The following NHSL2 variants were observed in gnomAD, a reference collection of about 807,000 sequenced individuals.
NHSL2 encodes NHS like 2.
In NHSL2, 27 loss-of-function variants were observed where a neutral mutation model predicts 53.4. That is an observed-to-expected ratio of 0.51 (90% CI 0.37 to 0.70). The LOEUF is 0.70. Among genes scored for constraint, NHSL2 ranks in the 30% least tolerant of loss-of-function variants. The pLI, the probability that NHSL2 is intolerant of heterozygous loss-of-function variation, is 0.00. For missense variants in NHSL2, 892 were observed against 980.1 expected (o/e 0.91, Z 1.20); for synonymous variants, 408 against 404.1 (o/e 1.01, Z -0.12).
Position 71,992,285 on chromosome X carries a change from G to A in NHSL2, c.280+80918G>A, listed in dbSNP as rs5991865. On this transcript the variant is annotated intron_variant, in intron 1 of 7. Transcript: ENST00000633930. ...TGTCCCCAAAATCAGTGTGGAGGGC[G>A]TAGAGGGGCTATTCAGTTAGGGACA... Among the ~76,000 whole-genome samples, 314 of 112,340 alleles carry A rather than the reference G, an allele frequency of 2.8e-3. 1 individual carries two copies. Among genetic ancestry groups the A allele is most frequent in the African/African-American group, 9.6e-3 (296 of 30,940 alleles).
At chrX:72,093,133 A>G (rs2041911762) in intron 1 of NHSL2, among the ~76,000 whole-genome samples, 1 of 112,887 alleles carries the variant, frequency 8.9e-6, no homozygotes, top group Non-Finnish European at 1.9e-5. Context: ...AAGTCAACAC[A>G]CAGCCAGGTA....
At chrX:71,982,496 A>G (rs1939592387) in intron 1 of NHSL2, among the ~76,000 whole-genome samples, 1 of 112,077 alleles carries the variant, frequency 8.9e-6, no homozygotes. Context: ...GGGTAGCCCA[A>G]GAATAGGGAC....
At chrX:72,099,750 C>T (rs1393881972) in intron 1 of NHSL2, among the ~76,000 whole-genome samples, 1 of 112,173 alleles carries the variant, frequency 8.9e-6, no homozygotes, top group East Asian at 2.8e-4. Flanking sequence ...ATTTAATTTA[C>T]TCCAATATAT....
chrX:72,074,133 C>T (rs946216319), intron 1 of NHSL2, among the ~76,000 whole-genome samples: 1 of 110,124 alleles, frequency 9.1e-6, no homozygotes, highest in East Asian at 2.9e-4. Context: ...CATCCCTCTC[C>T]CCGCAAGCAA....
intron 1 of NHSL2, among the ~76,000 whole-genome samples, chrX:72,009,117 A>G (rs921160091): frequency 1.1e-4 from 12 of 112,108 alleles, no homozygotes; most frequent in African/African-American, 3.9e-4. Context: ...GGTACATTGT[A>G]TTTGCTTTTC....
chrX:72,130,713 G>C (rs1435038558), intron 1 of NHSL2: 1 of 1,211,948 alleles, frequency 8.3e-7, no homozygotes, highest in Admixed American at 2.2e-5. Flanking sequence ...GGCCTTTGAG[G>C]AATTGGTTTT....
intron 1 of NHSL2, among the ~76,000 whole-genome samples, chrX:71,961,898 G>A (rs1602280857): frequency 8.9e-6 from 1 of 112,058 alleles, no homozygotes. Flanking sequence ...CGAACTCCTG[G>A]CCTTAAGTGA....
chrX:72,094,923 A>G (rs965681737), intron 1 of NHSL2, among the ~76,000 whole-genome samples: 1 of 112,191 alleles, frequency 8.9e-6, no homozygotes, highest in Admixed American at 9.5e-5. Context: ...GGTGCAGTAA[A>G]GCAAGAGCAT....
Position 72,140,365 on chromosome X carries a change from G to A in NHSL2, c.2817G>A (p.Gly939=). 8.3e-7 allele frequency: 1 copy of A among 1,211,120 alleles called. No individual in the cohort carries two copies. Among genetic ancestry groups the A allele is most frequent in the Non-Finnish European group, 1.1e-6 (1 of 895,162 alleles). Residue 939 remains glycine, a synonymous_variant, in exon 6 of 8, where the codon GGG becomes GGA. Coordinates refer to ENST00000633930, the MANE Select transcript of NHSL2 (RefSeq NM_001013627.3). The part of the protein sequence containing the change: ...PSSFPDGRSP[G]ESTAPSSLVF... Reference sequence around the variant, plus strand: ...GCTTCCCAGATGGCAGAAGCCCAGGGGAGTCAACAGCACCCTCATCTCTTG... The same window carrying A: ...GCTTCCCAGATGGCAGAAGCCCAGGAGAGTCAACAGCACCCTCATCTCTTG...
At chrX:71,957,721 G>A (rs778798488) in intron 1 of NHSL2, among the ~76,000 whole-genome samples, 21 of 110,751 alleles carry the variant, frequency 1.9e-4, no homozygotes, top group African/African-American at 6.9e-4. Context: ...CAGACCCAGG[G>A]TGTTTACTCC....
chrX:71,977,640 C>T (rs903719954), intron 1 of NHSL2, among the ~76,000 whole-genome samples: 8 of 110,906 alleles, frequency 7.2e-5, no homozygotes, highest in African/African-American at 2.6e-4. Context: ...CTCAAATTCC[C>T]GAGCTCAAGC....
At chrX:72,135,276 C>T (rs1349154876) in intron 4 of NHSL2, among the ~76,000 whole-genome samples, 3 of 111,651 alleles carry the variant, frequency 2.7e-5, no homozygotes, top group Non-Finnish European at 5.6e-5. Context: ...CCAAAAAGAC[C>T]AAAAGGGGAC....
At chrX:72,081,652 G>A (rs1011543823) in intron 1 of NHSL2, among the ~76,000 whole-genome samples, 12 of 111,849 alleles carry the variant, frequency 1.1e-4, no homozygotes, top group African/African-American at 2.3e-4. Context: ...AAAAACAGAC[G>A]CAGCTGCTCA....
intron 6 of NHSL2, among the ~76,000 whole-genome samples, chrX:72,141,872 T>A (rs1711877177): frequency 8.9e-6 from 1 of 111,859 alleles, no homozygotes; most frequent in African/African-American, 3.3e-5. Flanking sequence ...CCCTCTGAGA[T>A]TCAAATAGGT....
intron 1 of NHSL2, among the ~76,000 whole-genome samples, chrX:72,037,712 C>G (rs1184422955): frequency 8.9e-6 from 1 of 112,000 alleles, no homozygotes; most frequent in Non-Finnish European, 1.9e-5. Flanking sequence ...TCTACCAGTG[C>G]CCCCAGTGTT....
intron 1 of NHSL2, among the ~76,000 whole-genome samples, chrX:72,002,917 A>G (rs1275107485): frequency 9.0e-6 from 1 of 110,982 alleles, no homozygotes; most frequent in African/African-American, 3.3e-5. Context: ...AAATACACAT[A>G]AATAGACCCT....
intron 1 of NHSL2, among the ~76,000 whole-genome samples, chrX:71,924,398 G>C (rs2041674344): frequency 8.9e-6 from 1 of 111,827 alleles, no homozygotes; most frequent in African/African-American, 3.3e-5. Context: ...CCTCCAGGTA[G>C]CCTACCCTAT....
chrX:72,083,674 A>G (rs2041811098), intron 1 of NHSL2, among the ~76,000 whole-genome samples: 2 of 112,109 alleles, frequency 1.8e-5, no homozygotes, highest in Non-Finnish European at 3.8e-5. Context: ...TTCTTTTAAT[A>G]TAGATTTATT....
intron 1 of NHSL2, among the ~76,000 whole-genome samples, chrX:71,965,812 A>G (rs1453953971): frequency 8.9e-6 from 1 of 112,346 alleles, no homozygotes; most frequent in East Asian, 2.8e-4. Context: ...CCTCACACAG[A>G]TCTTGTACAG....
Sources: allele counts gnomAD v4.1 joint callset (sites outside exome capture counted in the v4.1 genomes callset), GRCh38; gene constraint gnomAD v4.1.1; transcripts MANE v1.5; gene names NCBI Gene and HGNC (gene_info 2026-07-23, HGNC 2026-07-21).